The following PLEKHG4B variants were observed in gnomAD, a reference collection of about 807,000 sequenced individuals.
PLEKHG4B encodes the protein pleckstrin homology domain-containing family G member 4B.
In PLEKHG4B, 111 loss-of-function variants were observed where a neutral mutation model predicts 121.3. That is an observed-to-expected ratio of 0.92 (90% CI 0.78 to 1.07). PLEKHG4B has a LOEUF of 1.07. Among genes scored for constraint, PLEKHG4B ranks in the 50% least tolerant of loss-of-function variants. The pLI is 0.00. For synonymous variants in PLEKHG4B, 738 were observed against 725.0 expected (o/e 1.02, Z -0.29); for missense variants, 1,831 against 1,757.8 (o/e 1.04, Z -0.74).
At chr5:132,067 G>T (rs1734796196) in intron 2 of PLEKHG4B, among the ~76,000 whole-genome samples, 1 of 152,072 alleles carries the variant, frequency 6.6e-6, no homozygotes, top group Admixed American at 6.5e-5. Flanking sequence ...ATTGTCCTCG[G>T]TGGGAGACTG....
chr5:121,252 A>C (rs1286269471), intron 2 of PLEKHG4B, among the ~76,000 whole-genome samples: 3 of 152,092 alleles, frequency 2.0e-5, no homozygotes, highest in Non-Finnish European at 4.4e-5. Flanking sequence ...GTCTAAAAAA[A>C]AAAAGAAAAA....
chr5:162,272 C>T (rs533986179), intron 12 of PLEKHG4B, among the ~76,000 whole-genome samples: 16 of 70,930 alleles, frequency 2.3e-4, no homozygotes, highest in South Asian at 1.1e-3. Context: ...CGAGCTCCCA[C>T]GCGCCCCAGA....
chr5:109,597 C>T (rs1359395256), intron 1 of PLEKHG4B, among the ~76,000 whole-genome samples: 8 of 152,090 alleles, frequency 5.3e-5, no homozygotes, highest in East Asian at 3.9e-4. Context: ...CCCCTGTGGG[C>T]GTGGAGCTGC....
At chr5:128,190 T>A (rs2126377769) in intron 2 of PLEKHG4B, among the ~76,000 whole-genome samples, 1 of 152,332 alleles carries the variant, frequency 6.6e-6, no homozygotes, top group Non-Finnish European at 1.5e-5. Context: ...GATCTAGCTA[T>A]GTTAATAGAG....
At chr5:176,476 T>G (rs1736764794) in intron 18 of PLEKHG4B, among the ~76,000 whole-genome samples, 1 of 152,206 alleles carries the variant, frequency 6.6e-6, no homozygotes, top group Non-Finnish European at 1.5e-5. Context: ...CGCCCCAGAA[T>G]GCAGCCTCCA....
In PLEKHG4B at chr5:156,328, G is replaced by T. The variant is rs1409102667; in HGVS notation, c.2348+118G>T. On this transcript the variant is annotated intron_variant, in intron 10 of 19. Transcript: ENST00000637938. The surrounding 1 kb of genome is among the most constrained non-coding windows in gnomAD (Gnocchi z 4.4). ...GAGAGCCCCCTCTGTGCTTGGTCCA[G>T]ACCTCCATTCTGACAGCCACGCTTT... 4.4e-6 allele frequency: 5 copies of T among 1,140,288 alleles called. No individual in the cohort carries two copies. In the East Asian group the frequency reaches 8.7e-5, roughly 20 times the overall value. 70.6% of individuals were successfully genotyped at this position (1,140,288 alleles called of 1,614,324 possible). A position where few individuals can be genotyped will look rare whatever the true frequency, so the allele number is the denominator to read the frequency against.
chr5:123,329 A>G (rs1189705199), intron 2 of PLEKHG4B, among the ~76,000 whole-genome samples: 2 of 152,222 alleles, frequency 1.3e-5, no homozygotes, highest in Admixed American at 6.5e-5. Context: ...AAAGATTACA[A>G]TGTCCATAAG....
At chr5:96,314 G>C (rs1035193840) in intron 1 of PLEKHG4B, among the ~76,000 whole-genome samples, 1 of 152,184 alleles carries the variant, frequency 6.6e-6, no homozygotes, top group Non-Finnish European at 1.5e-5. Context: ...ATTCTGAAAT[G>C]AGAGAGATGG....
At chr5:110,812 G>A (rs1560901325) in intron 1 of PLEKHG4B, among the ~76,000 whole-genome samples, 2 of 152,270 alleles carry the variant, frequency 1.3e-5, no homozygotes, top group Non-Finnish European at 2.9e-5. Context: ...CCTCAGTGAG[G>A]CTCATGATCT....
chr5:96,259 G>A (rs752845579), intron 1 of PLEKHG4B, among the ~76,000 whole-genome samples: 18 of 152,286 alleles, frequency 1.2e-4, no homozygotes, highest in Non-Finnish European at 2.2e-4. Flanking sequence ...TTTGCAGTGT[G>A]TGGAGCACAG....
At chr5:162,081 G>A in intron 12 of PLEKHG4B, 137 bp downstream of exon 12, 1 of 1,113,454 alleles carries the variant, frequency 9.0e-7, no homozygotes, top group African/African-American at 2.8e-5. Flanking sequence ...GAGCCCCCCT[G>A]GCCACTGCGC....
intron 6 of PLEKHG4B, among the ~76,000 whole-genome samples, chr5:148,000 C>CA (rs963544897): frequency 4.0e-5 from 6 of 148,646 alleles, no homozygotes; most frequent in Admixed American, 6.7e-5. Context: ...CAATTGATGC[C>CA]AAAAAAAAAG....
In PLEKHG4B at chr5:174,113, G is replaced by A. The variant is rs1736670851; in HGVS notation, c.4402+15G>A. The A allele has an allele frequency of 6.6e-7, 1 of 1,523,072 alleles. No individual in the cohort carries two copies. 94.3% of individuals were successfully genotyped at this position (1,523,072 alleles called of 1,614,324 possible). A position where few individuals can be genotyped will look rare whatever the true frequency, so the allele number is the denominator to read the frequency against. On this transcript the variant is annotated intron_variant, in intron 18 of 19. Coordinates refer to ENST00000637938, the MANE Select transcript of PLEKHG4B (RefSeq NM_052909.5). The stretch of plus-strand genomic sequence containing the variant: ...AAAGAGCAGAGGTGGGAAGATGGGG[G>A]CCGCAGGGCCTGCCAGGCTCAGGGG...
intron 13 of PLEKHG4B, among the ~76,000 whole-genome samples, chr5:164,482 C>T (rs951708946): frequency 7.8e-6 from 1 of 127,890 alleles, no homozygotes; most frequent in Non-Finnish European, 1.6e-5. Context: ...CGGAGCAGAG[C>T]TCACACTAAT....
rs534069729 is a variant in PLEKHG4B at position 146,600 on chromosome 5, C to T, written c.1905+1680C>T. Among the ~76,000 whole-genome samples the T allele has an allele frequency of 4.4e-4, 59 of 133,738 alleles. 1 individual carries two copies. The highest frequency in any genetic ancestry group is 1.5e-3 in the African/African-American group (52 of 34,866). 87.7% of individuals were successfully genotyped at this position (133,738 alleles called of 152,430 possible). On this transcript the variant is annotated intron_variant, in intron 6 of 19. Transcript: ENST00000637938. Reference sequence around the variant, plus strand: ...CTCCCTCCTCTCCTCCCCCAGAGTCCTCCCTCCTCTCCCCCAACCCTGCAG... The same window carrying T: ...CTCCCTCCTCTCCTCCCCCAGAGTCTTCCCTCCTCTCCCCCAACCCTGCAG...
chr5:155,866 CCTT>C (rs1365662841), intron 9 of PLEKHG4B, among the ~76,000 whole-genome samples: 1 of 152,010 alleles, frequency 6.6e-6, no homozygotes, highest in Non-Finnish European at 1.5e-5. Flanking sequence ...CTTTGAGCCC[CCTT>C]CTTCTCCCTC....
chr5:122,189 T>C (rs1312333981), intron 2 of PLEKHG4B, among the ~76,000 whole-genome samples: 1 of 151,670 alleles, frequency 6.6e-6, no homozygotes, highest in Non-Finnish European at 1.5e-5. Flanking sequence ...AGAGATAAAA[T>C]GGAATCCAAA....
rs867908133 is a variant in PLEKHG4B, at chr5:135,702, T to A, written c.244-3781T>A. Among the ~76,000 whole-genome samples, 430 of 81,500 alleles carry A rather than the reference T, an allele frequency of 5.3e-3. 30 individuals carry two copies. The highest frequency in any genetic ancestry group is 0.017 in the African/African-American group (266 of 15,470). The allele number at this position is 81,500 out of a possible 152,430, so 53.5% of individuals were successfully genotyped here. A position where few individuals can be genotyped will look rare whatever the true frequency, so the allele number is the denominator to read the frequency against. On this transcript the variant is annotated intron_variant, in intron 2 of 19. Coordinates refer to ENST00000637938, the MANE Select transcript of PLEKHG4B (RefSeq NM_052909.5). ...AAAAAAATATATATATATATATATA[T>A]ATATATATATATATATATATATATA... is the stretch of plus-strand genomic sequence containing the variant.
At chr5:173,281 C>T (rs1206661734) in intron 17 of PLEKHG4B, among the ~76,000 whole-genome samples, 1 of 152,186 alleles carries the variant, frequency 6.6e-6, no homozygotes, top group Non-Finnish European at 1.5e-5. Context: ...TCTCCAGTCC[C>T]ATGTCCAGTC....
Sources: allele counts gnomAD v4.1 joint callset (sites outside exome capture counted in the v4.1 genomes callset), GRCh38; gene constraint gnomAD v4.1.1; non-coding constraint Gnocchi (gnomAD v3.1); transcripts MANE v1.5; gene names NCBI Gene and HGNC (gene_info 2026-07-23, HGNC 2026-07-21).